ATG4B: variants seen among roughly 807,000 people sequenced by gnomAD.
The protein encoded by ATG4B is cysteine protease ATG4B.
ATG4B carries 29 observed loss-of-function variants against 56.6 expected under a neutral mutation model. The observed-to-expected ratio is 0.51, with a 90% CI of 0.38 to 0.70. ATG4B has a LOEUF of 0.70. Among genes scored for constraint, ATG4B ranks in the 30% least tolerant of loss-of-function variants. The pLI is 0.00. For synonymous variants in ATG4B, 224 were observed against 206.1 expected, an observed-to-expected ratio of 1.09 and a Z score of -0.74; for missense variants, 461 against 515.5, an observed-to-expected ratio of 0.89 and a Z score of 1.02.
At chr2:241,653,875 C>T (rs2068298978) in intron 4 of ATG4B, among the ~76,000 whole-genome samples, 1 of 151,646 alleles carries the variant, frequency 6.6e-6, no homozygotes, top group Admixed American at 6.6e-5. Flanking sequence ...GCCTGTAGTC[C>T]CAGCTACTTC....
chr2:241,638,742 TG>T (rs1379272181), intron 1 of ATG4B, among the ~76,000 whole-genome samples: 4 of 152,218 alleles, frequency 2.6e-5, no homozygotes, highest in Non-Finnish European at 5.9e-5. Context: ...CACTTAAATG[TG>T]GTAGGTGGCT....
chr2:241,646,778 A>G (rs971433154), intron 1 of ATG4B, among the ~76,000 whole-genome samples: 3 of 127,844 alleles, frequency 2.3e-5, no homozygotes, highest in African/African-American at 3.2e-5. Flanking sequence ...CGTGTATTCA[A>G]TGCTTTTTTT....
chr2:241,655,524 C>G, intron 6 of ATG4B, 181 bp downstream of exon 6: 2 of 645,104 alleles, frequency 3.1e-6, no homozygotes, highest in Non-Finnish European at 5.4e-6. Context: ...TTTATGTTTT[C>G]TAACAAAATG....
At chr2:241,642,295 A>G (rs1289055702) in intron 1 of ATG4B, among the ~76,000 whole-genome samples, 1 of 151,638 alleles carries the variant, frequency 6.6e-6, no homozygotes, top group Non-Finnish European at 1.5e-5. Context: ...AGTGTTTTCT[A>G]GCTTTCTGAT....
intron 6 of ATG4B, among the ~76,000 whole-genome samples, chr2:241,657,316 G>A (rs1234277419): frequency 1.6e-5 from 2 of 123,286 alleles, no homozygotes; most frequent in East Asian, 2.4e-4. Flanking sequence ...TTTTTTTTCC[G>A]AGACAGAGTC....
Position 241,672,939 on chromosome 2 carries a change from G to A in ATG4B, c.*675G>A. The A allele has an allele frequency of 6.1e-6, 1 of 163,944 alleles. No homozygotes were observed. The highest frequency in any genetic ancestry group is 1.6e-4 in the South Asian group (1 of 6,170). The allele number at this position is 163,944 out of a possible 1,614,324, so 10.2% of individuals were successfully genotyped here. On this transcript the variant is annotated 3_prime_UTR_variant, in exon 13 of 13. Transcript: ENST00000404914. The stretch of plus-strand genomic sequence containing the variant: ...GGACACAGCGTGGGCGGCCTGGGCA[G>A]AAGGGCGGCTGGCTGTCCTGGAGCT...
At chr2:241,660,357 G>A (rs536919574) in intron 7 of ATG4B, among the ~76,000 whole-genome samples, 14 of 152,198 alleles carry the variant, frequency 9.2e-5, no homozygotes, top group Admixed American at 2.6e-4. Flanking sequence ...TTTCTTCATC[G>A]TCTGGCCATC....
chr2:241,666,392 T>C (rs1340841837), intron 7 of ATG4B, among the ~76,000 whole-genome samples: 1 of 152,384 alleles, frequency 6.6e-6, no homozygotes, highest in African/African-American at 2.4e-5. Flanking sequence ...TTGCACTGTT[T>C]CGTGTGTGTG....
At position 241,673,841 on chromosome 2, in the gene ATG4B, T is replaced by C. The variant is rs1420805152; in HGVS notation, c.*1577T>C. On this transcript the variant is annotated 3_prime_UTR_variant, in exon 13 of 13. Transcript: ENST00000404914. ...GCAATTCTTAATGGCAAATAATAAG[T>C]TTCAGTAGAAAACAAACCTTGTGTC... 1 of 422,224 alleles carries C rather than the reference T, an allele frequency of 2.4e-6. No homozygotes were observed. Among genetic ancestry groups the C allele is most frequent in the African/African-American group, 2.0e-5 (1 of 49,052 alleles). The allele number at this position is 422,224 out of a possible 1,614,324, so 26.2% of individuals were successfully genotyped here.
At chr2:241,670,930 C>T in intron 11 of ATG4B, 148 bp downstream of exon 11, 1 of 868,870 alleles carries the variant, frequency 1.2e-6, no homozygotes, top group Non-Finnish European at 1.8e-6. Context: ...AGCTATGTAG[C>T]TGAGCAGGGT....
intron 1 of ATG4B, among the ~76,000 whole-genome samples, chr2:241,643,678 G>GTA (rs1553563374): frequency 7.5e-6 from 1 of 134,096 alleles, no homozygotes; most frequent in Non-Finnish European, 1.5e-5. Flanking sequence ...GTGTGTGTGT[G>GTA]TGTATGTATA....
chr2:241,639,486 G>C (rs552814025), intron 1 of ATG4B, among the ~76,000 whole-genome samples: 3 of 152,342 alleles, frequency 2.0e-5, no homozygotes, highest in South Asian at 2.1e-4. Context: ...AGAGGGCCCA[G>C]GGCCACAGTG....
intron 7 of ATG4B, 40 bp from the exon 8 acceptor site, chr2:241,666,605 C>T (rs1006838151): frequency 8.1e-6 from 13 of 1,602,958 alleles, no homozygotes; most frequent in Non-Finnish European, 1.1e-5. Context: ...CACTTTTGCA[C>T]AGGTCTGCTT....
chr2:241,638,640 C>G (rs1340837271), intron 1 of ATG4B, among the ~76,000 whole-genome samples: 1 of 152,130 alleles, frequency 6.6e-6, no homozygotes, highest in African/African-American at 2.4e-5. Context: ...TTTTATTTTT[C>G]TGGTAGCTAC....
intron 1 of ATG4B, among the ~76,000 whole-genome samples, chr2:241,639,243 C>G (rs1344720796): frequency 6.6e-6 from 1 of 152,246 alleles, no homozygotes; most frequent in Non-Finnish European, 1.5e-5. Flanking sequence ...CTCCAGCGTC[C>G]AGACAAAGGG....
intron 1 of ATG4B, among the ~76,000 whole-genome samples, chr2:241,642,438 G>T (rs936823168): frequency 2.0e-5 from 3 of 152,078 alleles, no homozygotes; most frequent in Non-Finnish European, 4.4e-5. Context: ...TTAAACCTAA[G>T]AGCTTTCTAA....
intron 12 of ATG4B, 191 bp from the exon 13 acceptor site, chr2:241,672,000 C>T: frequency 3.5e-6 from 5 of 1,422,230 alleles, no homozygotes; most frequent in Non-Finnish European, 4.6e-6. Flanking sequence ...CTGCCCTGCT[C>T]CTCTTCTCTG....
intron 8 of ATG4B, among the ~76,000 whole-genome samples, chr2:241,667,460 C>T (rs1432021331): frequency 2.6e-5 from 4 of 151,678 alleles, no homozygotes; most frequent in Non-Finnish European, 5.9e-5. Context: ...AAAAATTAGC[C>T]GGGCATGGTG....
chr2:241,650,816 C>T (rs2068206498), intron 1 of ATG4B, among the ~76,000 whole-genome samples, 194 bp from the exon 2 acceptor site: 1 of 151,998 alleles, frequency 6.6e-6, no homozygotes, highest in South Asian at 2.1e-4. Context: ...CCCAGCAGGG[C>T]CTCCTTCTCT....
Sources: gnomAD v4.1 joint callset for allele counts (sites outside exome capture counted in the v4.1 genomes callset) on GRCh38, gnomAD v4.1.1 for gene constraint, MANE v1.5 for transcripts, NCBI Gene and HGNC (gene_info 2026-07-23, HGNC 2026-07-21) for gene names.